Variants in ARHGAP39 observed in about 807,000 individuals in gnomAD.
The protein encoded by ARHGAP39 is Rho GTPase activating protein 39.
In ARHGAP39, 44 loss-of-function variants were observed where a neutral mutation model predicts 106.9. That is an observed-to-expected ratio of 0.41 (90% CI 0.32 to 0.53). The LOEUF (loss-of-function observed/expected upper bound fraction) is 0.53. Ranked by LOEUF, ARHGAP39 falls within the 20% of genes least tolerant of loss-of-function variation. The pLI, the probability that ARHGAP39 is intolerant of heterozygous loss-of-function variation, is 0.21. For missense variants in ARHGAP39, 1,496 were observed against 1,577.3 expected, an observed-to-expected ratio of 0.95 and a Z score of 0.87; for synonymous variants, 768 against 693.2, an observed-to-expected ratio of 1.11 and a Z score of -1.69.
upstream of ARHGAP39, among the ~76,000 whole-genome samples, chr8:144,690,222 C>T (rs145707867): frequency 4.8e-3 from 733 of 152,218 alleles, 8 homozygotes; most frequent in African/African-American, 0.016. Context: ...AAGCGATTCT[C>T]CTGCCTCAGC....
In ARHGAP39 at chr8:144,641,969, C is replaced by A. The variant is rs1821322371; in HGVS notation, c.-81-36274G>T. ...GAGAGACAAAACTCTCAGAACCACA[C>A]CCAGGCTACATAGATCTGTGAGCAA... On this transcript the variant is annotated intron_variant, in intron 1 of 11. Coordinates refer to ENST00000377307, the MANE Select transcript of ARHGAP39 (RefSeq NM_025251.3). The surrounding 1 kb of genome is among the most constrained non-coding windows in gnomAD (Gnocchi z 5.2). 6.6e-6 allele frequency among the ~76,000 whole-genome samples: 1 copy of A among 152,244 alleles called. No homozygotes were observed. Among genetic ancestry groups the A allele is most frequent in the Non-Finnish European group, 1.5e-5 (1 of 68,050 alleles).
chr8:144,566,516 T>C (rs1818401626), intron 3 of ARHGAP39, among the ~76,000 whole-genome samples: 1 of 151,962 alleles, frequency 6.6e-6, no homozygotes, highest in Admixed American at 6.6e-5. Context: ...GATCACGCCA[T>C]TCCACTCCAG....
intron 2 of ARHGAP39, among the ~76,000 whole-genome samples, chr8:144,601,963 T>G (rs150289699): frequency 0.19 from 10,866 of 58,340 alleles, 606 homozygotes; most frequent in African/African-American, 0.34. Flanking sequence ...GTACCTGTGT[T>G]CATGTGCGTG....
At chr8:144,654,050 G>A (rs539718023) in intron 1 of ARHGAP39, among the ~76,000 whole-genome samples, 56 of 152,336 alleles carry the variant, frequency 3.7e-4, no homozygotes, top group Admixed American at 1.4e-3. Flanking sequence ...TAGTGAACCC[G>A]AAGGTGGCAA....
rs1816550046 is a variant in ARHGAP39 at position 144,529,320 on chromosome 8, C to A, written c.*1102G>T. 2 of 170,100 alleles carry A rather than the reference C, an allele frequency of 1.2e-5. No individual in the cohort carries two copies. The allele number at this position is 170,100 out of a possible 1,614,324, so 10.5% of individuals were successfully genotyped here. On this transcript the variant is annotated 3_prime_UTR_variant, in exon 12 of 12. Coordinates refer to ENST00000377307, the MANE Select transcript of ARHGAP39 (RefSeq NM_025251.3). ...CGCCCAGGCCTCGGCAGGGCTGGGGCTTTTGTTTTTAATAAATAAAAACGG... is the reference window on the plus strand; with the variant it reads ...CGCCCAGGCCTCGGCAGGGCTGGGGATTTTGTTTTTAATAAATAAAAACGG...
At chr8:144,688,491 A>T (rs1822681221), upstream of ARHGAP39, among the ~76,000 whole-genome samples, 1 of 152,232 alleles carries the variant, frequency 6.6e-6, no homozygotes, top group Admixed American at 6.5e-5. Flanking sequence ...TCACAGCTGT[A>T]ATCCCATCGT....
At chr8:144,546,421 C>T (rs140033524) in intron 5 of ARHGAP39, among the ~76,000 whole-genome samples, 81 of 152,284 alleles carry the variant, frequency 5.3e-4, no homozygotes, top group Middle Eastern at 3.4e-3. Context: ...CTGGAGACCA[C>T]GAAGGCCACC....
intron 1 of ARHGAP39, among the ~76,000 whole-genome samples, chr8:144,659,833 C>A (rs191108019): frequency 5.3e-4 from 81 of 152,262 alleles, no homozygotes; most frequent in African/African-American, 1.9e-3. Context: ...CTGTGGGACG[C>A]CCCAAGATGC....
At chr8:144,678,898 C>T (rs1822312450) in intron 1 of ARHGAP39, among the ~76,000 whole-genome samples, 1 of 152,116 alleles carries the variant, frequency 6.6e-6, no homozygotes, top group Non-Finnish European at 1.5e-5. Context: ...AGGAGAGCCC[C>T]AGGAGGTACA....
At chr8:144,697,315 CA>C in the ARHGAP39 span, among the ~76,000 whole-genome samples, 69,905 of 119,040 alleles carry the variant, frequency 0.59, 18,319 homozygotes, top group Middle Eastern at 0.63. Context: ...AGATCCCTCT[CA>C]AAAAAAAAAA....
chr8:144,615,111 A>G (rs1820599901), intron 1 of ARHGAP39, among the ~76,000 whole-genome samples: 1 of 152,230 alleles, frequency 6.6e-6, no homozygotes, highest in South Asian at 2.1e-4. Flanking sequence ...GCTTGAGCTC[A>G]GGAGTTCGAG....
intron 1 of ARHGAP39, among the ~76,000 whole-genome samples, chr8:144,664,557 A>C: frequency 6.6e-6 from 1 of 152,104 alleles, no homozygotes; most frequent in East Asian, 1.9e-4. Context: ...CTGTGTCCCC[A>C]CCCAAATCTC....
At chr8:144,657,365 C>T (rs1821723313) in intron 1 of ARHGAP39, among the ~76,000 whole-genome samples, 1 of 152,134 alleles carries the variant, frequency 6.6e-6, no homozygotes, top group Non-Finnish European at 1.5e-5. Context: ...GAGGCTGAGG[C>T]AGGAGGATAG....
chr8:144,547,517 G>A lies in ARHGAP39; in HGVS notation c.1569C>T (p.Ala523=), dbSNP rs770006544. 3.4e-6 allele frequency: 5 copies of A among 1,487,688 alleles called. No individual in the cohort carries two copies. The South Asian group carries it at 5.4e-5, about 16-fold the overall frequency. 92.2% of individuals were successfully genotyped at this position (1,487,688 alleles called of 1,614,324 possible). A position where few individuals can be genotyped will look rare whatever the true frequency, so the allele number is the denominator to read the frequency against. ...TGGTCCCGCACGGGGGCTGTTCCTC[G>A]GCCAGGGGCTGCTCCACAAGCAGGT... is the stretch of plus-strand genomic sequence containing the variant. ...PGDLLVEQPL[A]EEQPPCGTSL... The change falls in exon 5 of 12, where the codon GCC becomes GCT. Residue 523 remains alanine, a synonymous_variant. Coordinates refer to ENST00000377307, the MANE Select transcript of ARHGAP39 (RefSeq NM_025251.3). This position sits in a 1 kb window ranked among gnomAD's most constrained non-coding sequence, Gnocchi z 5.2.
At chr8:144,598,985 G>A (rs941004860) in intron 2 of ARHGAP39, among the ~76,000 whole-genome samples, 3 of 152,166 alleles carry the variant, frequency 2.0e-5, no homozygotes, top group Admixed American at 1.3e-4. Flanking sequence ...AGTAATACAC[G>A]GAGGGTAACT....
chr8:144,617,337 C>T (rs999254020), intron 1 of ARHGAP39, among the ~76,000 whole-genome samples: 1 of 152,194 alleles, frequency 6.6e-6, no homozygotes, highest in African/African-American at 2.4e-5. Context: ...CTGACTTTGG[C>T]AGGCGGGACA....
intron 1 of ARHGAP39, among the ~76,000 whole-genome samples, chr8:144,619,316 C>T (rs1006085948): frequency 1.3e-5 from 2 of 152,248 alleles, no homozygotes; most frequent in Non-Finnish European, 2.9e-5. Context: ...CTCCGAGAAG[C>T]GCGGGTCCCC....
intron 2 of ARHGAP39, among the ~76,000 whole-genome samples, chr8:144,588,709 G>A (rs982853721): frequency 5.3e-5 from 8 of 152,250 alleles, no homozygotes; most frequent in African/African-American, 1.9e-4. Context: ...ACTCACAGCC[G>A]GAGGCAGCAC....
chr8:144,675,036 C>T (rs1822196765), intron 1 of ARHGAP39, among the ~76,000 whole-genome samples: 1 of 152,080 alleles, frequency 6.6e-6, no homozygotes, highest in Non-Finnish European at 1.5e-5. Context: ...TAGGCAGCTG[C>T]AGCTGTGCCC....
Sources: allele counts gnomAD v4.1 joint callset (sites outside exome capture counted in the v4.1 genomes callset), GRCh38; gene constraint gnomAD v4.1.1; non-coding constraint Gnocchi (gnomAD v3.1); transcripts MANE v1.5; gene names NCBI Gene and HGNC (gene_info 2026-07-23, HGNC 2026-07-21).